CSNK1G1: variants seen among roughly 807,000 people sequenced by gnomAD.
CSNK1G1 encodes the protein casein kinase 1 gamma 1, also known as casein kinase I isoform gamma-1.
In CSNK1G1, 22 loss-of-function variants were observed where a neutral mutation model predicts 59.6. The ratio of observed to expected loss-of-function variants is 0.37; its 90% CI spans 0.26 to 0.53. CSNK1G1 has a LOEUF of 0.53. Among genes scored for constraint, CSNK1G1 ranks in the 20% least tolerant of loss-of-function variants. CSNK1G1 has a pLI of 0.89. For synonymous variants in CSNK1G1, 179 were observed against 177.1 expected, an observed-to-expected ratio of 1.01 and a Z score of -0.08; for missense variants, 384 against 519.5, an observed-to-expected ratio of 0.74 and a Z score of 2.54.
chr15:64,241,534 T>A (rs1361032125), intron 4 of CSNK1G1, among the ~76,000 whole-genome samples: 1 of 152,176 alleles, frequency 6.6e-6, no homozygotes, highest in Non-Finnish European at 1.5e-5. Context: ...TGGAATATTA[T>A]CCAGGACAGG....
chr15:64,262,953 C>T (rs1308144421), intron 2 of CSNK1G1, among the ~76,000 whole-genome samples: 1 of 151,624 alleles, frequency 6.6e-6, no homozygotes, highest in African/African-American at 2.4e-5. Flanking sequence ...GTGGTGCATG[C>T]CTGTAATCTC....
intron 4 of CSNK1G1, among the ~76,000 whole-genome samples, chr15:64,224,778 GGGGAAGA>G (rs1356858465): frequency 6.6e-6 from 1 of 152,148 alleles, no homozygotes; most frequent in Non-Finnish European, 1.5e-5. Flanking sequence ...TTGTATGGTG[GGGGAAGA>G]GGCAGTGAGG....
At chr15:64,252,661 T>C (rs1197945318) in intron 3 of CSNK1G1, among the ~76,000 whole-genome samples, 2 of 152,368 alleles carry the variant, frequency 1.3e-5, no homozygotes, top group African/African-American at 2.4e-5. Flanking sequence ...TCCTTATGTA[T>C]ATTTCTTTTT....
intron 1 of CSNK1G1, among the ~76,000 whole-genome samples, chr15:64,307,631 G>T (rs1275664862): frequency 1.3e-5 from 2 of 152,274 alleles, no homozygotes; most frequent in Admixed American, 1.3e-4. Flanking sequence ...CTACATTTTA[G>T]TAGTACACTA....
At chr15:64,289,430 C>CTTG (rs1340194136) in intron 2 of CSNK1G1, among the ~76,000 whole-genome samples, 3 of 152,178 alleles carry the variant, frequency 2.0e-5, no homozygotes, top group African/African-American at 7.2e-5. Flanking sequence ...TCTGTTAAAA[C>CTTG]TGCTTAACCT....
At chr15:64,234,722 TG>T (rs1259913757) in intron 4 of CSNK1G1, among the ~76,000 whole-genome samples, 2 of 152,138 alleles carry the variant, frequency 1.3e-5, no homozygotes, top group Non-Finnish European at 2.9e-5. Flanking sequence ...TCCATTTCCT[TG>T]TTATATTGTC....
At chr15:64,241,899 C>G (rs1343188991) in intron 4 of CSNK1G1, among the ~76,000 whole-genome samples, 1 of 147,510 alleles carries the variant, frequency 6.8e-6, no homozygotes, top group East Asian at 2.0e-4. Flanking sequence ...TGCAAAAGAT[C>G]AATGAAACAA....
intron 1 of CSNK1G1, among the ~76,000 whole-genome samples, chr15:64,340,521 T>C (rs946159944): frequency 3.9e-5 from 6 of 152,198 alleles, no homozygotes; most frequent in African/African-American, 1.4e-4. Context: ...ACTAAACCTT[T>C]TATTGTTATA....
chr15:64,192,115 T>C (rs370167652), intron 10 of CSNK1G1, among the ~76,000 whole-genome samples: 1 of 152,222 alleles, frequency 6.6e-6, no homozygotes, highest in African/African-American at 2.4e-5. Context: ...AGTAGCTAGT[T>C]AGATTAAGCA....
intron 1 of CSNK1G1, among the ~76,000 whole-genome samples, chr15:64,329,259 A>C (rs1216668360): frequency 6.6e-6 from 1 of 151,958 alleles, no homozygotes; most frequent in Non-Finnish European, 1.5e-5. Context: ...TCCAAAATTG[A>C]CCACATAGTT....
chr15:64,302,913 TC>T (rs1238159980), intron 1 of CSNK1G1, among the ~76,000 whole-genome samples: 2 of 152,216 alleles, frequency 1.3e-5, no homozygotes, highest in South Asian at 2.1e-4. Context: ...CACTGTTTTT[TC>T]CAACAGATGG....
At position 64,216,585 on chromosome 15, in the gene CSNK1G1, C is replaced by A. The variant is rs2082314782; in HGVS notation, c.421G>T (p.Val141Leu). The A allele has an allele frequency of 3.1e-6, 5 of 1,613,724 alleles. No individual in the cohort carries two copies. Among genetic ancestry groups the A allele is most frequent in the African/African-American group, 1.3e-5 (1 of 74,878 alleles). The part of the protein sequence containing the change: ...LCDRTFTLKT[V>L]LMIAIQLLSR... ...ACCAGCTGGATGGCTATCATTAACA[C>A]CGTCTTCAAAGTAAATGTTCGGTCA... The change falls in exon 5 of 12, where the codon GTG becomes TTG. Residue 141 changes from valine (V) to leucine (L), a missense_variant. Physicochemically the swap from Val to Leu is conservative, Grantham distance 32 (BLOSUM62 1). Coordinates refer to ENST00000303052, the MANE Select transcript of CSNK1G1 (RefSeq NM_022048.5). This position sits in a 1 kb window ranked among gnomAD's most constrained non-coding sequence, Gnocchi z 4.6.
At chr15:64,215,813 C>T (rs1312689003) in intron 5 of CSNK1G1, among the ~76,000 whole-genome samples, 2 of 152,206 alleles carry the variant, frequency 1.3e-5, no homozygotes, top group Non-Finnish European at 2.9e-5. Context: ...AGAACTACAG[C>T]AAATTCCTAG....
chr15:64,197,467 G>A (rs560201557), intron 10 of CSNK1G1, among the ~76,000 whole-genome samples: 2 of 152,278 alleles, frequency 1.3e-5, no homozygotes, highest in African/African-American at 4.8e-5. Flanking sequence ...GCCATCTCTA[G>A]TAATAGTACC....
At chr15:64,234,823 A>T (rs1032730242) in intron 4 of CSNK1G1, among the ~76,000 whole-genome samples, 2 of 152,086 alleles carry the variant, frequency 1.3e-5, no homozygotes, top group Non-Finnish European at 2.9e-5. Context: ...CCCACAAGTA[A>T]GCTACCTGGA....
Position 64,300,412 on chromosome 15 carries a change from C to T in CSNK1G1, c.88G>A (p.Gly30Ser). 1 of 1,614,168 alleles carries T rather than the reference C, an allele frequency of 6.2e-7. No individual in the cohort carries two copies. The change falls in exon 2 of 12, where the codon GGC becomes AGC. Residue 30 changes from glycine to serine, a missense_variant. Gly to Ser is a moderately conservative substitution (Grantham distance 56, BLOSUM62 0). Transcript: ENST00000303052. ...AGAACCCCAGAGGACGATGAGGAGCCAGATGGTCGAGAGCAGTGTGCACTC... is the reference window on the plus strand; with the variant it reads ...AGAACCCCAGAGGACGATGAGGAGCTAGATGGTCGAGAGCAGTGTGCACTC... Reference protein sequence around the residue: ...QRSAHCSRPSGSSSSSGVLMV... With the variant: ...QRSAHCSRPSSSSSSSGVLMV...
rs112982510 is a variant in CSNK1G1, at chr15:64,320,080, T to C, written c.-224-19357A>G. ...CCATGACATCTGGCTAATTTTTGTTTAGTTTTTGTAGAGACAGAGTCTCAC... is the reference window on the plus strand; with the variant it reads ...CCATGACATCTGGCTAATTTTTGTTCAGTTTTTGTAGAGACAGAGTCTCAC... On this transcript the variant is annotated intron_variant, in intron 1 of 11. Transcript: ENST00000303052. 6.9e-3 allele frequency among the ~76,000 whole-genome samples: 1,044 copies of C among 151,978 alleles called. 9 individuals carry two copies. The highest frequency in any genetic ancestry group is 0.017 in the African/African-American group (701 of 41,448).
chr15:64,233,568 C>A (rs1422177000), intron 4 of CSNK1G1, among the ~76,000 whole-genome samples: 1 of 152,192 alleles, frequency 6.6e-6, no homozygotes, highest in Non-Finnish European at 1.5e-5. Flanking sequence ...GCTTATATTT[C>A]ATCACGCAGT....
At chr15:64,305,379 T>G (rs1895619288) in intron 1 of CSNK1G1, among the ~76,000 whole-genome samples, 1 of 152,098 alleles carries the variant, frequency 6.6e-6, no homozygotes, top group Admixed American at 6.6e-5. Context: ...TAGGACAATT[T>G]GAGTACCAAT....
Sources: allele counts gnomAD v4.1 joint callset (sites outside exome capture counted in the v4.1 genomes callset), GRCh38; gene constraint gnomAD v4.1.1; non-coding constraint Gnocchi (gnomAD v3.1); transcripts MANE v1.5; gene names NCBI Gene and HGNC (gene_info 2026-07-23, HGNC 2026-07-21).